PAK3: variants seen among roughly 807,000 people sequenced by gnomAD.
PAK3 encodes p21 (RAC1) activated kinase 3.
Under a neutral mutation model 41.0 loss-of-function variants are expected in PAK3, and 4 were observed. The ratio of observed to expected loss-of-function variants is 0.10; its 90% confidence interval spans 0.05 to 0.22. PAK3 has a LOEUF of 0.22. Among genes scored for constraint, PAK3 ranks in the 10% least tolerant of loss-of-function variants. PAK3 has a pLI of 1.00. For missense variants in PAK3, 205 were observed against 409.9 expected, an observed-to-expected ratio of 0.50 and a Z score of 4.32; for synonymous variants, 146 against 139.6, an observed-to-expected ratio of 1.05 and a Z score of -0.32.
At chrX:110,983,250 A>T (rs2091478577) in intron 1 of PAK3, among the ~76,000 whole-genome samples, 2 of 111,219 alleles carry the variant, frequency 1.8e-5, no homozygotes, top group South Asian at 7.7e-4. Context: ...TTAATTTCTC[A>T]GCACTTGGCT....
At chrX:111,019,290 A>G (rs2092136450) in intron 1 of PAK3, among the ~76,000 whole-genome samples, 2 of 111,130 alleles carry the variant, frequency 1.8e-5, no homozygotes, top group Admixed American at 9.6e-5. Flanking sequence ...ACAATATCAG[A>G]GTGAAAAGGC....
At chrX:110,956,949 G>A (rs1265411898) in intron 1 of PAK3, among the ~76,000 whole-genome samples, 4 of 111,662 alleles carry the variant, frequency 3.6e-5, no homozygotes, top group African/African-American at 1.3e-4. Context: ...GCCTGGTGAT[G>A]AAGCAACCTG....
At chrX:111,080,287 T>C (rs1303433439) in intron 1 of PAK3, among the ~76,000 whole-genome samples, 2 of 111,543 alleles carry the variant, frequency 1.8e-5, no homozygotes, top group Non-Finnish European at 3.8e-5. Context: ...TTAAGAAATT[T>C]CCACAGCCCC....
chrX:110,974,324 A>G (rs995583644), intron 1 of PAK3, among the ~76,000 whole-genome samples: 3 of 112,286 alleles, frequency 2.7e-5, no homozygotes, highest in Non-Finnish European at 5.6e-5. Context: ...AGAGAATACT[A>G]TAAACAACTC....
intron 1 of PAK3, among the ~76,000 whole-genome samples, chrX:110,965,802 C>A (rs1384928540): frequency 8.9e-6 from 1 of 112,210 alleles, no homozygotes; most frequent in Non-Finnish European, 1.9e-5. Flanking sequence ...ACTTTACACA[C>A]TGTAATTCAC....
At chrX:110,976,046 A>T (rs1171534893) in intron 1 of PAK3, among the ~76,000 whole-genome samples, 1 of 112,313 alleles carries the variant, frequency 8.9e-6, no homozygotes, top group East Asian at 2.8e-4. Context: ...GGACATAGGC[A>T]TGGGCAAGGA....
intron 11 of PAK3, among the ~76,000 whole-genome samples, chrX:111,188,568 G>A (rs1239527523): frequency 8.9e-6 from 1 of 112,252 alleles, no homozygotes; most frequent in Non-Finnish European, 1.9e-5. Context: ...CTCAGCCTCT[G>A]TCCTTTTGGA....
At chrX:111,023,498 A>G (rs2092221694) in intron 1 of PAK3, among the ~76,000 whole-genome samples, 1 of 111,201 alleles carries the variant, frequency 9.0e-6, no homozygotes, top group African/African-American at 3.3e-5. Context: ...ACTAATTTAC[A>G]CTCCCACCAA....
chrX:111,026,270 C>T (rs2092268063), intron 1 of PAK3, among the ~76,000 whole-genome samples: 1 of 111,549 alleles, frequency 9.0e-6, no homozygotes, highest in African/African-American at 3.3e-5. Flanking sequence ...ACTTTCACCA[C>T]TTCTATTCAA....
chrX:110,958,958 T>A (rs2090922811), intron 1 of PAK3, among the ~76,000 whole-genome samples: 1 of 112,195 alleles, frequency 8.9e-6, no homozygotes, highest in Non-Finnish European at 1.9e-5. Flanking sequence ...AAAAAACAAA[T>A]GTGACGCACT....
intron 11 of PAK3, among the ~76,000 whole-genome samples, chrX:111,190,551 G>A (rs1414463665): frequency 4.5e-5 from 5 of 111,801 alleles, no homozygotes. Flanking sequence ...GAAGTAACTA[G>A]CGCAAAGTCA....
At chrX:111,170,343 T>C (rs1165698277) in intron 10 of PAK3, among the ~76,000 whole-genome samples, 1 of 109,943 alleles carries the variant, frequency 9.1e-6, no homozygotes, top group African/African-American at 3.4e-5. Context: ...TTTAACTTAA[T>C]TTAAAAGTGA....
At chrX:111,091,684 T>C (rs1260838532), upstream of PAK3, among the ~76,000 whole-genome samples, 1 of 111,701 alleles carries the variant, frequency 9.0e-6, no homozygotes, top group African/African-American at 3.3e-5. Flanking sequence ...CAATGCTGCC[T>C]GCCACAGAAG....
At chrX:111,218,704 G>A (rs748689295) in intron 17 of PAK3, among the ~76,000 whole-genome samples, 3 of 111,478 alleles carry the variant, frequency 2.7e-5, no homozygotes, top group African/African-American at 6.5e-5. Flanking sequence ...AGGCTTAAGA[G>A]TTGGGGCTGT....
At chrX:111,003,481 A>G (rs2091880172) in intron 1 of PAK3, among the ~76,000 whole-genome samples, 2 of 111,612 alleles carry the variant, frequency 1.8e-5, no homozygotes, top group African/African-American at 6.5e-5. Flanking sequence ...CTCCTTGGTA[A>G]TGGCATCCCT....
At chrX:111,171,201 G>A (rs779415636) in intron 10 of PAK3, among the ~76,000 whole-genome samples, 1 of 111,331 alleles carries the variant, frequency 9.0e-6, no homozygotes, top group South Asian at 3.8e-4. Context: ...GTATGAATAC[G>A]AGTGACAACT....
rs190221336 is a variant in PAK3, at chrX:110,990,955, C to T, written c.-28+46327C>T. On this transcript the variant is annotated intron_variant, in intron 1 of 14. Coordinates refer to the PAK3 transcript ENST00000425146. ...CCAGCCATTGGCAACATAGCAAAAC[C>T]TCATCTCTAAAAAATACACAAAAAT... 8.2e-5 allele frequency among the ~76,000 whole-genome samples: 9 copies of T among 109,992 alleles called. No individual in the cohort carries two copies. The East Asian group carries it at 2.6e-3, about 32-fold the overall frequency.
chrX:111,041,757 C>T (rs188024253), intron 1 of PAK3, among the ~76,000 whole-genome samples: 23 of 110,817 alleles, frequency 2.1e-4, no homozygotes, highest in Non-Finnish European at 3.8e-4. Context: ...CTTGCCTTTC[C>T]TTCAAGACCT....
chrX:111,163,116 T>C, intron 9 of PAK3, 70 bp downstream of exon 9: 1 of 1,014,918 alleles, frequency 9.9e-7, no homozygotes, highest in South Asian at 1.9e-5. Flanking sequence ...AGTTAGAATA[T>C]AGTTAATCAG....
Sources: gnomAD v4.1 joint callset for allele counts (sites outside exome capture counted in the v4.1 genomes callset) on GRCh38, gnomAD v4.1.1 for gene constraint, MANE v1.5 for transcripts, NCBI Gene and HGNC (gene_info 2026-07-23, HGNC 2026-07-21) for gene names.